Variants in SH3GLB2 observed in about 807,000 individuals in gnomAD.
The protein encoded by SH3GLB2 is SH3 domain containing GRB2 like, endophilin B2.
In SH3GLB2, 24 loss-of-function variants were observed where a neutral mutation model predicts 48.0. The observed-to-expected ratio is 0.50, with a 90% CI of 0.36 to 0.70. The LOEUF (loss-of-function observed/expected upper bound fraction) is 0.70, where lower values mean the gene tolerates loss of function less well. Ranked by LOEUF, SH3GLB2 falls within the 30% of genes least tolerant of loss-of-function variation. SH3GLB2 has a pLI of 0.00. For synonymous variants in SH3GLB2, 227 were observed against 207.6 expected (o/e 1.09, Z -0.80); for missense variants, 425 against 516.0 (o/e 0.82, Z 1.71).
At chr9:129,023,682 G>C (rs953147015) in intron 1 of SH3GLB2, among the ~76,000 whole-genome samples, 5 of 152,188 alleles carry the variant, frequency 3.3e-5, no homozygotes, top group African/African-American at 9.7e-5. Flanking sequence ...GCTGCGGTGG[G>C]GGGTGGCGGG....
rs11537525 is a variant in SH3GLB2 at position 129,010,120 on chromosome 9, G to C, written c.738C>G (p.His246Gln). The change falls in exon 8 of 11, where the codon CAC becomes CAG. Residue 246 changes from histidine to glutamine, a missense_variant and splice_region_variant. His to Gln is a conservative substitution (Grantham distance 24). Coordinates refer to ENST00000372564, the MANE Select transcript of SH3GLB2 (RefSeq NM_020145.4). ...AGTGAGGGTGGGCAGTGGGACTCAC[G>C]TGAGTGCTACTGATTCCCTCCAGCA... The part of the protein sequence containing the change: ...RLLLEGISST[H>Q]VNHLRCLHEF... 6.2e-7 allele frequency: 1 copy of C among 1,613,478 alleles called. No homozygotes were observed. Among genetic ancestry groups the C allele is most frequent in the Non-Finnish European group, 8.5e-7 (1 of 1,179,474 alleles).
At position 129,010,460 on chromosome 9, in the gene SH3GLB2, G is replaced by A. The variant is rs561852474; in HGVS notation, c.648+210C>T. On this transcript the variant is annotated intron_variant, in intron 7 of 10. Coordinates refer to ENST00000372564, the MANE Select transcript of SH3GLB2 (RefSeq NM_020145.4). ...CATCGGAGAAATCCACCCAGCAAGT[G>A]CATCCTGAGGGCCTACTGTGTGCTA... 36 of 648,502 alleles carry A rather than the reference G, an allele frequency of 5.6e-5. No homozygotes were observed. In the South Asian group the frequency reaches 7.0e-4, roughly 13 times the overall value. 40.2% of individuals were successfully genotyped at this position (648,502 alleles called of 1,614,324 possible).
At chr9:129,010,294 G>T in intron 7 of SH3GLB2, 85 bp from the exon 8 acceptor site, 1 of 1,158,178 alleles carries the variant, frequency 8.6e-7, no homozygotes, top group Non-Finnish European at 1.3e-6. Context: ...CCTGGGAGCC[G>T]CCTGTCCCTT....
Position 129,014,858 on chromosome 9 carries a change from G to A in SH3GLB2, c.381C>T (p.Ala127=), listed in dbSNP as rs17508202. The change falls in exon 4 of 11, where the codon GCC becomes GCT. Residue 127 remains alanine, a synonymous_variant. Coordinates refer to ENST00000372564, the MANE Select transcript of SH3GLB2 (RefSeq NM_020145.4). This position sits in a 1 kb window ranked among gnomAD's most constrained non-coding sequence, Gnocchi z 4.1. The part of the protein sequence containing the change: ...KVAEAEKQLG[A]AERDFIHTAS... ...CCGTGTGGATAAAATCCCTCTCCGC[G>A]GCTCCCAGTTGCTTTTCAGCTTCTG... 4.2e-4 allele frequency: 684 copies of A among 1,614,002 alleles called. 5 individuals carry two copies. In the African/African-American group the frequency reaches 7.7e-3, roughly 18 times the overall value.
intron 3 of SH3GLB2, among the ~76,000 whole-genome samples, chr9:129,019,708 CAAAAAAA>C (rs1216460109): frequency 1.7e-5 from 1 of 57,880 alleles, no homozygotes; most frequent in South Asian, 6.3e-4. Context: ...GACTCTGCCT[CAAAAAAA>C]AAAAAAAAAA....
intron 6 of SH3GLB2, 139 bp from the exon 7 acceptor site, chr9:129,010,832 G>C (rs1174071514): frequency 9.2e-7 from 1 of 1,084,662 alleles, no homozygotes; most frequent in East Asian, 2.6e-5. Flanking sequence ...AACAGGAGCT[G>C]AGACTGGGCC....
At position 129,011,364 on chromosome 9, in the gene SH3GLB2, T is replaced by C. The variant is rs1712156751; in HGVS notation, c.625-671A>G. 1 of 152,132 alleles carries C rather than the reference T, an allele frequency of 6.6e-6. No homozygotes were observed. The highest frequency in any genetic ancestry group is 2.4e-5 in the African/African-American group (1 of 41,376). The allele number at this position is 152,132 out of a possible 1,614,324, so 9.4% of individuals were successfully genotyped here. A position where few individuals can be genotyped will look rare whatever the true frequency, so the allele number is the denominator to read the frequency against. ...CGGCCCGTGTGGCCCCCATGCTGCTTAGGAAGTCCCCGTCCAGGAGCACTG... is the reference window on the plus strand; with the variant it reads ...CGGCCCGTGTGGCCCCCATGCTGCTCAGGAAGTCCCCGTCCAGGAGCACTG... On this transcript the variant is annotated intron_variant, in intron 6 of 10. Coordinates refer to ENST00000372564, the MANE Select transcript of SH3GLB2 (RefSeq NM_020145.4). The surrounding 1 kb of genome is among the most constrained non-coding windows in gnomAD (Gnocchi z 4.5).
intron 3 of SH3GLB2, 141 bp downstream of exon 3, chr9:129,020,950 T>A: frequency 9.5e-7 from 1 of 1,050,226 alleles, no homozygotes; most frequent in South Asian, 3.0e-5. Context: ...ACTCTTTTTT[T>A]CTGCGTAGAG....
intron 9 of SH3GLB2, 81 bp from the exon 10 acceptor site, chr9:129,009,427 G>T (rs753790937): frequency 1.3e-6 from 2 of 1,550,232 alleles, no homozygotes; most frequent in South Asian, 2.4e-5. Context: ...AGCCCCAGGA[G>T]CCCCACTCCA....
chr9:129,022,584 G>A (rs935134698), intron 1 of SH3GLB2, among the ~76,000 whole-genome samples, 161 bp from the exon 2 acceptor site: 5 of 152,216 alleles, frequency 3.3e-5, no homozygotes, highest in African/African-American at 1.2e-4. Flanking sequence ...TGACCTGGCA[G>A]GGCCTCACTG....
At chr9:129,010,260 C>T (rs1422500536) in intron 7 of SH3GLB2, 51 bp from the exon 8 acceptor site, 1 of 1,511,202 alleles carries the variant, frequency 6.6e-7, no homozygotes, top group African/African-American at 1.4e-5. Context: ...CACCAGCTTC[C>T]CCGCAGTCTT....
intron 7 of SH3GLB2, 185 bp from the exon 8 acceptor site, chr9:129,010,394 C>T: frequency 1.6e-6 from 1 of 643,338 alleles, no homozygotes; most frequent in Non-Finnish European, 2.7e-6. Flanking sequence ...CCACTCAGGA[C>T]CCCACAGGCA....
At chr9:129,024,791 A>G (rs1844042941) in intron 1 of SH3GLB2, among the ~76,000 whole-genome samples, 1 of 151,310 alleles carries the variant, frequency 6.6e-6, no homozygotes, top group African/African-American at 2.4e-5. Flanking sequence ...TAACACGGTG[A>G]AACCCCATCT....
chr9:129,026,815 G>A (rs1437210903), intron 1 of SH3GLB2, among the ~76,000 whole-genome samples: 2 of 152,232 alleles, frequency 1.3e-5, no homozygotes, highest in Non-Finnish European at 2.9e-5. Context: ...AATCCGAGGG[G>A]CTCTGGGATC....
chr9:129,023,241 C>A (rs1843932415), intron 1 of SH3GLB2, among the ~76,000 whole-genome samples: 1 of 152,100 alleles, frequency 6.6e-6, no homozygotes, highest in Non-Finnish European at 1.5e-5. Flanking sequence ...GGAAACACTG[C>A]CAGCCTATCA....
intron 2 of SH3GLB2, among the ~76,000 whole-genome samples, chr9:129,021,645 G>A (rs1588333817): frequency 6.6e-6 from 1 of 151,530 alleles, no homozygotes; most frequent in East Asian, 1.9e-4. Context: ...TCATCTCTGG[G>A]CCTTGCTGAC....
intron 3 of SH3GLB2, among the ~76,000 whole-genome samples, chr9:129,019,398 A>G (rs1016157216): frequency 2.0e-5 from 3 of 151,008 alleles, no homozygotes; most frequent in African/African-American, 7.3e-5. Flanking sequence ...AAAAAAGGTA[A>G]CAGAAAATAA....
intron 7 of SH3GLB2, 101 bp from the exon 8 acceptor site, chr9:129,010,310 T>G: frequency 1.0e-6 from 1 of 986,650 alleles, no homozygotes; most frequent in Non-Finnish European, 1.6e-6. Flanking sequence ...CCCTTTCCCC[T>G]GGGAACACAG....
intron 5 of SH3GLB2, chr9:129,013,298 T>A (rs1843230148): frequency 2.0e-6 from 1 of 507,336 alleles, no homozygotes; most frequent in Admixed American, 3.2e-5. Flanking sequence ...GATGTGAGGT[T>A]GTCCAGGCCC....
Sources: allele counts gnomAD v4.1 joint callset (sites outside exome capture counted in the v4.1 genomes callset), GRCh38; gene constraint gnomAD v4.1.1; non-coding constraint Gnocchi (gnomAD v3.1); transcripts MANE v1.5; gene names NCBI Gene and HGNC (gene_info 2026-07-23, HGNC 2026-07-21).